The following PCDHA2 variants were observed in gnomAD, a reference collection of about 807,000 sequenced individuals.
PCDHA2 encodes the protein protocadherin alpha 2.
In PCDHA2, 58 loss-of-function variants were observed where a neutral mutation model predicts 66.0. The ratio of observed to expected loss-of-function variants is 0.88; its 90% CI spans 0.71 to 1.09. The LOEUF (loss-of-function observed/expected upper bound fraction) is 1.09. Ranked by LOEUF, PCDHA2 falls within the 50% of genes least tolerant of loss-of-function variation. The pLI is 0.00. For missense variants in PCDHA2, 1,267 were observed against 1,242.3 expected, an observed-to-expected ratio of 1.02 and a Z score of -0.30; for synonymous variants, 634 against 554.0, an observed-to-expected ratio of 1.14 and a Z score of -2.03.
chr5:140,981,969 T>C (rs1438723039), intron 2 of PCDHA2, among the ~76,000 whole-genome samples: 1 of 152,146 alleles, frequency 6.6e-6, no homozygotes, highest in African/African-American at 2.4e-5. Context: ...ATAAAAGATA[T>C]AGAAAGAGTA....
At chr5:140,801,471 C>A (rs782465156) in intron 1 of PCDHA2, 23 of 1,614,000 alleles carry the variant, frequency 1.4e-5, no homozygotes, top group Admixed American at 5.0e-5. Flanking sequence ...TCGGATAGAC[C>A]GCGAGGAACT....
chr5:140,836,613 G>T (rs2150265622), intron 1 of PCDHA2: 1 of 1,613,634 alleles, frequency 6.2e-7, no homozygotes, highest in Non-Finnish European at 8.5e-7. Flanking sequence ...GTGCTCCAGC[G>T]CGGTGGGGAG....
In PCDHA2 at chr5:140,883,441, G is replaced by A. The variant is rs782063932; in HGVS notation, c.2388+86089G>A. 3.1e-6 allele frequency: 5 copies of A among 1,614,130 alleles called. No homozygotes were observed. In the African/African-American group the frequency reaches 4.0e-5, roughly 13 times the overall value. Reference sequence around the variant, plus strand: ...GACAGGTCACCTGCACCTTGACGCCGCATGTCCCCTTCAAGCTGGTGTCCA... The same window carrying A: ...GACAGGTCACCTGCACCTTGACGCCACATGTCCCCTTCAAGCTGGTGTCCA... On this transcript the variant is annotated intron_variant, in intron 1 of 3. Transcript: ENST00000526136.
intron 1 of PCDHA2, among the ~76,000 whole-genome samples, chr5:140,964,434 G>A (rs1332567720): frequency 6.6e-6 from 1 of 152,104 alleles, no homozygotes; most frequent in Non-Finnish European, 1.5e-5. Context: ...AAATTACCAA[G>A]CCTCTGCCAC....
At chr5:140,927,316 C>A in intron 1 of PCDHA2, 1 of 1,614,198 alleles carries the variant, frequency 6.2e-7, no homozygotes, top group Non-Finnish European at 8.5e-7. Flanking sequence ...GCCCGGAGCC[C>A]GCTTTACTCT....
rs548391443 is a variant in PCDHA2, at chr5:140,892,979, C to T, written c.2389-85970C>T. Among the ~76,000 whole-genome samples, 6 of 152,224 alleles carry T rather than the reference C, an allele frequency of 3.9e-5. No individual in the cohort carries two copies. The South Asian group carries it at 1.2e-3, about 32-fold the overall frequency. On this transcript the variant is annotated intron_variant, in intron 1 of 3. Transcript: ENST00000526136. ...GAGCTCAATAAAATTTTGTAGCTGC[C>T]GTATAAGTGAGAACATGTATTTATT...
intron 1 of PCDHA2, chr5:140,866,107 G>T (rs2049153150): frequency 6.6e-6 from 1 of 152,146 alleles, no homozygotes; most frequent in African/African-American, 2.4e-5. Flanking sequence ...GTAATTAAGA[G>T]TTGCCTTATA....
At chr5:140,842,504 T>C (rs1554139112) in intron 1 of PCDHA2, 9 of 1,613,696 alleles carry the variant, frequency 5.6e-6, no homozygotes, top group Non-Finnish European at 7.6e-6. Context: ...CCATGTCCCC[T>C]TCAAGCTGGT....
At position 140,849,459 on chromosome 5, in the gene PCDHA2, G is replaced by A. The variant is rs2150438078; in HGVS notation, c.2388+52107G>A. On this transcript the variant is annotated intron_variant, in intron 1 of 3. Transcript: ENST00000526136. ...TAGAGCACACAAGATCCCAGTCGAG[G>A]CTGTCGATAAAGGCTTCCCACCCCT... 169 of 1,587,860 alleles carry A rather than the reference G, an allele frequency of 1.1e-4. 13 individuals carry two copies. The highest frequency in any genetic ancestry group is 1.4e-4 in the Non-Finnish European group (163 of 1,161,590).
At chr5:140,924,738 T>C (rs2153573504) in intron 1 of PCDHA2, among the ~76,000 whole-genome samples, 1 of 151,522 alleles carries the variant, frequency 6.6e-6, no homozygotes, top group Admixed American at 6.6e-5. Flanking sequence ...CTAATAAAAA[T>C]ACAAAAATTA....
Position 140,796,246 on chromosome 5 carries a change from C to T in PCDHA2, c.1282C>T (p.Arg428Trp). The T allele has an allele frequency of 3.1e-6, 5 of 1,614,148 alleles. No homozygotes were observed. The highest frequency in any genetic ancestry group is 1.7e-4 in the Middle Eastern group (1 of 6,050). The part of the protein sequence containing the change: ...VSAYELVVTA[R>W]DGGSPSLWAT... ...AGCCTATGAGCTGGTGGTGACCGCA[C>T]GGGACGGGGGCTCGCCTTCACTGTG... The change falls in exon 1 of 4, where the codon CGG becomes TGG. Residue 428 changes from arginine (R) to tryptophan (W), a missense_variant. Arg to Trp is a moderately radical substitution (Grantham distance 101). Coordinates refer to ENST00000526136, the MANE Select transcript of PCDHA2 (RefSeq NM_018905.3).
chr5:140,822,807 T>TAA (rs2150119555), intron 1 of PCDHA2: 1 of 1,614,176 alleles, frequency 6.2e-7, no homozygotes, highest in South Asian at 1.1e-5. Flanking sequence ...ATGTGAATGA[T>TAA]AATACCCCAG....
At position 140,836,054 on chromosome 5, in the gene PCDHA2, C is replaced by A. The variant is rs2150251582; in HGVS notation, c.2388+38702C>A. 2.2e-5 allele frequency: 36 copies of A among 1,613,478 alleles called. No homozygotes were observed. Among genetic ancestry groups the A allele is most frequent in the Admixed American group, 3.3e-5 (2 of 59,984 alleles). On this transcript the variant is annotated intron_variant, in intron 1 of 3. Transcript: ENST00000526136. The stretch of plus-strand genomic sequence containing the variant: ...TGACGCTGCAGGTGTTCGTGCTGGA[C>A]GAGAACGACAACGCGCCGGCACTGC...
chr5:140,808,153 C>G, intron 1 of PCDHA2: 1 of 1,614,034 alleles, frequency 6.2e-7, no homozygotes, highest in Non-Finnish European at 8.5e-7. Flanking sequence ...TTGTAGAGGG[C>G]ATTGATAAGG....
At chr5:140,868,909 T>C (rs2050732260) in intron 1 of PCDHA2, 3 of 886,670 alleles carry the variant, frequency 3.4e-6, no homozygotes, top group Non-Finnish European at 5.0e-6. Context: ...CGCTCTTTAC[T>C]TGGTGGAAAG....
intron 3 of PCDHA2, among the ~76,000 whole-genome samples, chr5:141,005,543 A>G (rs2153984572): frequency 6.6e-6 from 1 of 151,530 alleles, no homozygotes; most frequent in South Asian, 2.1e-4. Context: ...CTCTACTAAA[A>G]ATACAAAAAT....
rs143656335 is a variant in PCDHA2, at chr5:140,968,986, A to G, written c.2389-9963A>G. 244 of 1,614,206 alleles carry G rather than the reference A, an allele frequency of 1.5e-4. No individual in the cohort carries two copies. In the African/African-American group the frequency reaches 3.0e-3, roughly 20 times the overall value. On this transcript the variant is annotated intron_variant, in intron 1 of 3. Transcript: ENST00000526136. ...ACCGCTACACTGCGTATGGCACTGC[A>G]TGCTGTGGAGGCTTCTGTGGAGTAA...
At chr5:140,990,821 G>T (rs890499969) in intron 3 of PCDHA2, among the ~76,000 whole-genome samples, 1 of 152,172 alleles carries the variant, frequency 6.6e-6, no homozygotes, top group East Asian at 1.9e-4. Flanking sequence ...CCTTCTCTCA[G>T]CTAAAGCCTA....
chr5:140,841,799 G>A (rs2150322924), intron 1 of PCDHA2: 2 of 1,613,942 alleles, frequency 1.2e-6, no homozygotes, highest in East Asian at 2.2e-5. Context: ...CGCGTCCGAT[G>A]CAGATGTTGG....
Sources: gnomAD v4.1 joint callset for allele counts (sites outside exome capture counted in the v4.1 genomes callset) on GRCh38, gnomAD v4.1.1 for gene constraint, MANE v1.5 for transcripts, NCBI Gene and HGNC (gene_info 2026-07-23, HGNC 2026-07-21) for gene names.